The following TRIOBP variants were observed in gnomAD, a reference collection of about 807,000 sequenced individuals.
TRIOBP encodes the protein TRIO and F-actin-binding protein.
Under a neutral mutation model 238.8 loss-of-function variants are expected in TRIOBP, and 169 were observed. The ratio of observed to expected loss-of-function variants is 0.71; its 90% CI spans 0.62 to 0.80. TRIOBP has a LOEUF of 0.80. Ranked by LOEUF, TRIOBP falls within the 30% of genes least tolerant of loss-of-function variation. TRIOBP has a pLI of 0.00. For synonymous variants in TRIOBP, 1,150 were observed against 1,274.4 expected (o/e 0.90, Z 2.08); for missense variants, 2,838 against 3,122.6 (o/e 0.91, Z 2.17).
chr22:37,746,399 GC>G, intron 11 of TRIOBP: 1 of 1,409,712 alleles, frequency 7.1e-7, no homozygotes, highest in Non-Finnish European at 9.3e-7. Flanking sequence ...TGCTCCCGCC[GC>G]CCTGGGGCGC....
chr22:37,709,188 C>A (rs116449938), intron 3 of TRIOBP, among the ~76,000 whole-genome samples: 1,824 of 152,300 alleles, frequency 0.012, 36 homozygotes, highest in African/African-American at 0.042. Flanking sequence ...CTGCCTGACC[C>A]CAGCAGTGGC....
At chr22:37,721,943 A>G (rs1923851707) in intron 6 of TRIOBP, among the ~76,000 whole-genome samples, 1 of 152,202 alleles carries the variant, frequency 6.6e-6, no homozygotes, top group Admixed American at 6.5e-5. Flanking sequence ...TCATGAGGCT[A>G]GGAGTTGCAA....
intron 11 of TRIOBP, among the ~76,000 whole-genome samples, chr22:37,749,897 TA>T (rs1309239124): frequency 1.3e-5 from 2 of 151,658 alleles, no homozygotes; most frequent in Admixed American, 6.6e-5. Context: ...GAGTCAGCAG[TA>T]AGCTGTGATC....
At position 37,725,984 on chromosome 22, in the gene TRIOBP, G is replaced by A; in HGVS notation, c.3428G>A (p.Ser1143Asn). The change falls in exon 7 of 24, where the codon AGC becomes AAC. Residue 1143 changes from serine to asparagine, a missense_variant. Ser to Asn is a conservative substitution (Grantham distance 46). Around this residue, in one of 5 missense-constraint regions of TRIOBP, gnomAD observed 2,096 missense variants for 2,137.4 expected, o/e 0.98. Transcript: ENST00000644935. ...TTATTCCAGGACCTCCCCAGGGCCA[G>A]CACAGAGAGCCTTGTCCCTTCCATG... is the stretch of plus-strand genomic sequence containing the variant. ...SLLFQDLPRA[S>N]TESLVPSMDS... 1 of 1,611,482 alleles carries A rather than the reference G, an allele frequency of 6.2e-7. No homozygotes were observed. The highest frequency in any genetic ancestry group is 1.1e-5 in the South Asian group (1 of 90,956).
intron 6 of TRIOBP, among the ~76,000 whole-genome samples, chr22:37,716,281 T>A (rs1923514813): frequency 6.6e-6 from 1 of 151,840 alleles, no homozygotes; most frequent in Non-Finnish European, 1.5e-5. Context: ...CCAGCTAATT[T>A]TTGTCTTTTT....
chr22:37,755,593 T>C lies in TRIOBP; in HGVS notation c.5621T>C (p.Ile1874Thr). 3 of 1,614,074 alleles carry C rather than the reference T, an allele frequency of 1.9e-6. No homozygotes were observed. The highest frequency in any genetic ancestry group is 2.5e-6 in the Non-Finnish European group (3 of 1,180,018). The stretch of plus-strand genomic sequence containing the variant: ...ACCTTGTCGGCCATGACCTCAGGCA[T>C]CCGGCGGAACTGGATCGAGGCTCTG... ...VYTLSAMTSG[I>T]RRNWIEALRK... The change falls in exon 15 of 24, where the codon ATC becomes ACC. Residue 1874 changes from isoleucine to threonine, a missense_variant. Physicochemically the swap from Ile to Thr is moderately conservative, Grantham distance 89. Around this residue, in one of 5 missense-constraint regions of TRIOBP, gnomAD observed 2,096 missense variants for 2,137.4 expected, o/e 0.98. Coordinates refer to ENST00000644935, the MANE Select transcript of TRIOBP (RefSeq NM_001039141.3).
chr22:37,772,215 G>A (rs1032691293), intron 22 of TRIOBP, among the ~76,000 whole-genome samples: 4 of 152,192 alleles, frequency 2.6e-5, no homozygotes, highest in Non-Finnish European at 4.4e-5. Flanking sequence ...GGGGCAGGAA[G>A]TGGACATGTT....
chr22:37,764,016 T>G (rs1237983947), intron 17 of TRIOBP, among the ~76,000 whole-genome samples: 1 of 152,236 alleles, frequency 6.6e-6, no homozygotes, highest in Non-Finnish European at 1.5e-5. Flanking sequence ...GCCACGTCAC[T>G]CTGACCATCC....
intron 5 of TRIOBP, among the ~76,000 whole-genome samples, chr22:37,715,000 CTTTTTAT>C (rs894342874): frequency 1.3e-5 from 2 of 152,068 alleles, no homozygotes; most frequent in African/African-American, 2.4e-5. Flanking sequence ...TTAGGAAGTG[CTTTTTAT>C]TTTTTATTTA....
chr22:37,698,741 C>T (rs1601613234), intron 2 of TRIOBP, among the ~76,000 whole-genome samples: 2 of 152,100 alleles, frequency 1.3e-5, no homozygotes, highest in Admixed American at 1.3e-4. Context: ...GTCCCAGAGA[C>T]TGAGGCAGGA....
chr22:37,701,267 C>A, intron 2 of TRIOBP, 39 bp from the exon 3 acceptor site: 1 of 927,834 alleles, frequency 1.1e-6, no homozygotes, highest in Non-Finnish European at 1.7e-6. Flanking sequence ...GAGTGGCCAG[C>A]CAGTCATCTG....
intron 4 of TRIOBP, among the ~76,000 whole-genome samples, chr22:37,711,551 C>G (rs1412367481): frequency 1.4e-5 from 2 of 147,928 alleles, no homozygotes; most frequent in Non-Finnish European, 3.0e-5. Context: ...TACACTCCAG[C>G]CTGGGTGACA....
At chr22:37,767,114 GGT>G (rs1312715299) in intron 18 of TRIOBP, among the ~76,000 whole-genome samples, 1 of 152,060 alleles carries the variant, frequency 6.6e-6, no homozygotes, top group Non-Finnish European at 1.5e-5. Context: ...AGCCATGCGC[GGT>G]GGCAGGCGCG....
intron 12 of TRIOBP, among the ~76,000 whole-genome samples, chr22:37,753,627 C>T (rs1366028193): frequency 6.6e-6 from 1 of 152,168 alleles, no homozygotes; most frequent in Non-Finnish European, 1.5e-5. Flanking sequence ...GACTGAAGCT[C>T]AGAAAAGTGG....
chr22:37,756,893 C>A (rs1364934199), intron 15 of TRIOBP, among the ~76,000 whole-genome samples: 1 of 152,244 alleles, frequency 6.6e-6, no homozygotes, highest in Non-Finnish European at 1.5e-5. Context: ...GACTGGGCAT[C>A]CCCCTTGCCA....
intron 7 of TRIOBP, among the ~76,000 whole-genome samples, chr22:37,731,298 C>T (rs1489052607): frequency 5.3e-5 from 8 of 151,670 alleles, no homozygotes; most frequent in African/African-American, 9.7e-5. Context: ...CCACCATGCT[C>T]GGCTCATTAA....
chr22:37,768,150 C>T lies in TRIOBP; in HGVS notation c.6549C>T (p.Gly2183=). 1 of 1,613,280 alleles carries T rather than the reference C, an allele frequency of 6.2e-7. No individual in the cohort carries two copies. The highest frequency in any genetic ancestry group is 8.5e-7 in the Non-Finnish European group (1 of 1,179,666). The change falls in exon 19 of 24, where the codon GGC becomes GGT. Residue 2183 remains glycine (G), a synonymous_variant. Coordinates refer to ENST00000644935, the MANE Select transcript of TRIOBP (RefSeq NM_001039141.3). ...ELSKTRSLQQ[G]PDGLRKQHQS... is the part of the protein sequence containing the mutation. ...GCAAAACACGGAGTCTCCAGCAGGGCCCGGATGGCCTCCGGAAGCAGCACC... is the reference window on the plus strand; with the variant it reads ...GCAAAACACGGAGTCTCCAGCAGGGTCCGGATGGCCTCCGGAAGCAGCACC...
intron 12 of TRIOBP, among the ~76,000 whole-genome samples, chr22:37,754,332 A>G (rs1413391210): frequency 6.6e-6 from 1 of 150,724 alleles, no homozygotes; most frequent in Non-Finnish European, 1.5e-5. Context: ...AATCACTTGA[A>G]CTCAGGAGGA....
intron 9 of TRIOBP, among the ~76,000 whole-genome samples, chr22:37,735,675 C>G (rs892117974): frequency 6.6e-6 from 1 of 152,308 alleles, no homozygotes; most frequent in South Asian, 2.1e-4. Flanking sequence ...GAATGTTTGA[C>G]GTGTGCTTTT....
Sources: gnomAD v4.1 joint callset for allele counts (sites outside exome capture counted in the v4.1 genomes callset) on GRCh38, gnomAD v4.1.1 for gene constraint, gnomAD v4.1.1 regional missense constraint, MANE v1.5 for transcripts, NCBI Gene and HGNC (gene_info 2026-07-23, HGNC 2026-07-21) for gene names.